RAD18: variants seen among roughly 807,000 people sequenced by gnomAD.
The protein encoded by RAD18 is E3 ubiquitin-protein ligase RAD18.
RAD18 carries 47 observed loss-of-function variants against 60.4 expected under a neutral mutation model. That is an observed-to-expected ratio of 0.78 (90% confidence interval 0.62 to 0.99). RAD18 has a LOEUF of 0.99. RAD18 is among the 50% of genes least tolerant of loss of function. The pLI, the probability that RAD18 is intolerant of heterozygous loss-of-function variation, is 0.00. For synonymous variants in RAD18, 225 were observed against 195.5 expected (o/e 1.15, Z -1.26); for missense variants, 640 against 593.3 (o/e 1.08, Z -0.82).
In RAD18 at chr3:8,878,329, T is replaced by C. The variant is rs1027582056; in HGVS notation, c.*3028A>G. ...AATACTTGTTTACAGCCTCAGATAGTTGTTCTTAAGGATGTCTAAAAACAG... is the reference window on the plus strand; with the variant it reads ...AATACTTGTTTACAGCCTCAGATAGCTGTTCTTAAGGATGTCTAAAAACAG... On this transcript the variant is annotated 3_prime_UTR_variant, in exon 13 of 13. Transcript: ENST00000264926. The C allele has an allele frequency of 1.3e-5, 2 of 152,130 alleles. No individual in the cohort carries two copies. Among genetic ancestry groups the C allele is most frequent in the Non-Finnish European group, 2.9e-5 (2 of 68,028 alleles). The allele number at this position is 152,130 out of a possible 1,614,324, so 9.4% of individuals were successfully genotyped here.
At chr3:8,922,429 T>G (rs1940339407) in intron 7 of RAD18, among the ~76,000 whole-genome samples, 3 of 152,154 alleles carry the variant, frequency 2.0e-5, no homozygotes. Context: ...AAGCTCAAAC[T>G]GGGTGGAGCC....
chr3:8,920,696 T>A (rs1229305175), intron 7 of RAD18, among the ~76,000 whole-genome samples: 1 of 152,208 alleles, frequency 6.6e-6, no homozygotes, highest in African/African-American at 2.4e-5. Context: ...AGGCATAATC[T>A]GAATTTTCTG....
In RAD18 at chr3:8,941,705, G is replaced by A. The variant is rs1559793518; in HGVS notation, c.366C>T (p.Ser122=). ...TGCTCCCCTGCTTTAAAGACTGTCT[G>A]GAGGCTACAGGAGTATATACTTTGA... ...LAVKVYTPVA[S]RQSLKQGSRL... is the part of the protein sequence containing the mutation. Residue 122 remains serine (S), a synonymous_variant, in exon 5 of 13, where the codon TCC becomes TCT. Transcript: ENST00000264926. 2 of 1,614,084 alleles carry A rather than the reference G, an allele frequency of 1.2e-6. No homozygotes were observed. Among genetic ancestry groups the A allele is most frequent in the East Asian group, 2.2e-5 (1 of 44,880 alleles).
intron 11 of RAD18, among the ~76,000 whole-genome samples, chr3:8,895,073 G>A (rs983020021): frequency 2.0e-5 from 3 of 151,700 alleles, no homozygotes; most frequent in African/African-American, 2.4e-5. Context: ...TTCAAAAATG[G>A]AAAAGATACT....
chr3:8,888,259 T>A (rs1559754604), intron 12 of RAD18, among the ~76,000 whole-genome samples: 1 of 152,198 alleles, frequency 6.6e-6, no homozygotes, highest in Non-Finnish European at 1.5e-5. Flanking sequence ...GAGCCTCTCC[T>A]GTGTCTCGTG....
At position 8,880,820 on chromosome 3, in the gene RAD18, T is replaced by G. The variant is rs1236194243; in HGVS notation, c.*537A>C. On this transcript the variant is annotated 3_prime_UTR_variant, in exon 13 of 13. Transcript: ENST00000264926. ...GGTCTAACAAACAACTACATTAACC[T>G]CGGGCAACAACCATCATGGAGCTGC... 6.6e-6 allele frequency: 1 copy of G among 152,668 alleles called. No individual in the cohort carries two copies. Among genetic ancestry groups the G allele is most frequent in the Non-Finnish European group, 1.5e-5 (1 of 68,404 alleles). The allele number at this position is 152,668 out of a possible 1,614,324, so 9.5% of individuals were successfully genotyped here. A position where few individuals can be genotyped will look rare whatever the true frequency, so the allele number is the denominator to read the frequency against.
intron 2 of RAD18, among the ~76,000 whole-genome samples, chr3:8,958,451 C>G (rs1034376572): frequency 2.6e-5 from 4 of 152,160 alleles, no homozygotes; most frequent in Non-Finnish European, 5.9e-5. Context: ...GTCTTTCCAG[C>G]GTCACATAGC....
chr3:8,918,193 C>A (rs769432394), intron 7 of RAD18, among the ~76,000 whole-genome samples: 2 of 151,934 alleles, frequency 1.3e-5, no homozygotes, highest in Admixed American at 6.5e-5. Flanking sequence ...TGGCTCATGC[C>A]TGTAGTCCCA....
chr3:8,917,385 A>G (rs921194643), intron 7 of RAD18, among the ~76,000 whole-genome samples: 8 of 152,200 alleles, frequency 5.3e-5, no homozygotes, highest in African/African-American at 1.9e-4. Flanking sequence ...AAACATGAAG[A>G]TAAGTATAAA....
At chr3:8,934,860 C>A (rs965478109) in intron 7 of RAD18, among the ~76,000 whole-genome samples, 1 of 152,018 alleles carries the variant, frequency 6.6e-6, no homozygotes, top group African/African-American at 2.4e-5. Context: ...TACGTTTATA[C>A]AATGGAATAC....
chr3:8,941,076 CAA>C (rs899045577), intron 5 of RAD18, among the ~76,000 whole-genome samples: 5 of 152,086 alleles, frequency 3.3e-5, no homozygotes, highest in African/African-American at 1.2e-4. Context: ...GGTTAGGCCT[CAA>C]ATTGTCACAG....
chr3:8,888,853 T>C (rs1253326746), intron 12 of RAD18, among the ~76,000 whole-genome samples: 1 of 152,202 alleles, frequency 6.6e-6, no homozygotes, highest in Middle Eastern at 3.2e-3. Flanking sequence ...TGCTTTCTGG[T>C]AGTAATCACT....
intron 7 of RAD18, among the ~76,000 whole-genome samples, chr3:8,914,581 G>A (rs1050245809): frequency 6.6e-6 from 1 of 151,956 alleles, no homozygotes; most frequent in African/African-American, 2.4e-5. Flanking sequence ...ACCTTATGAC[G>A]ATCATTTAAG....
At position 8,878,740 on chromosome 3, in the gene RAD18, T is replaced by C. The variant is rs1324966179; in HGVS notation, c.*2617A>G. On this transcript the variant is annotated 3_prime_UTR_variant, in exon 13 of 13. Coordinates refer to ENST00000264926, the MANE Select transcript of RAD18 (RefSeq NM_020165.4). ...TAGAGGATGAAAGGACGGCCTGGCA[T>C]ACTAGGCCATCTAAAGTGCATCCAG... is the stretch of plus-strand genomic sequence containing the variant. 1 of 152,234 alleles carries C rather than the reference T, an allele frequency of 6.6e-6. No homozygotes were observed. The highest frequency in any genetic ancestry group is 2.4e-5 in the African/African-American group (1 of 41,456). 9.4% of individuals were successfully genotyped at this position (152,234 alleles called of 1,614,324 possible).
chr3:8,919,339 T>C (rs1171249270), intron 7 of RAD18, among the ~76,000 whole-genome samples: 5 of 151,960 alleles, frequency 3.3e-5, no homozygotes, highest in Admixed American at 2.0e-4. Flanking sequence ...AAAAAAAAAC[T>C]TGACATATTA....
chr3:8,903,225 G>A (rs1939944955), intron 9 of RAD18, among the ~76,000 whole-genome samples: 1 of 152,036 alleles, frequency 6.6e-6, no homozygotes, highest in Non-Finnish European at 1.5e-5. Flanking sequence ...AGCTACTCTA[G>A]GTTTCTTCCC....
At chr3:8,955,104 C>T (rs1331835480) in intron 2 of RAD18, among the ~76,000 whole-genome samples, 1 of 152,140 alleles carries the variant, frequency 6.6e-6, no homozygotes, top group Non-Finnish European at 1.5e-5. Flanking sequence ...ACTTACATTG[C>T]GGGGGCTACT....
At position 8,877,532 on chromosome 3, in the gene RAD18, A is replaced by T. The variant is rs984452786; in HGVS notation, c.*3825T>A. On this transcript the variant is annotated 3_prime_UTR_variant, in exon 13 of 13. Coordinates refer to ENST00000264926, the MANE Select transcript of RAD18 (RefSeq NM_020165.4). Reference sequence around the variant, plus strand: ...GGGATAAGGAAAGAACATGGTGATTAATGCTGTCCCCCTGGACTGATTTTC... The same window carrying T: ...GGGATAAGGAAAGAACATGGTGATTTATGCTGTCCCCCTGGACTGATTTTC... The T allele has an allele frequency of 6.6e-6, 1 of 152,228 alleles. No homozygotes were observed. The highest frequency in any genetic ancestry group is 1.5e-5 in the Non-Finnish European group (1 of 68,054). The allele number at this position is 152,228 out of a possible 1,614,324, so 9.4% of individuals were successfully genotyped here.
At chr3:8,951,579 C>G (rs1295964122) in intron 2 of RAD18, among the ~76,000 whole-genome samples, 1 of 152,164 alleles carries the variant, frequency 6.6e-6, no homozygotes, top group Non-Finnish European at 1.5e-5. Flanking sequence ...ATATGTGAAA[C>G]TGTAATAAAA....
Sources: allele counts gnomAD v4.1 joint callset (sites outside exome capture counted in the v4.1 genomes callset), GRCh38; gene constraint gnomAD v4.1.1; transcripts MANE v1.5; gene names NCBI Gene and HGNC (gene_info 2026-07-23, HGNC 2026-07-21).